SYT1: variants seen among roughly 807,000 people sequenced by gnomAD.
SYT1 encodes synaptotagmin-1.
Under a neutral mutation model 44.8 loss-of-function variants are expected in SYT1, and 8 were observed. The ratio of observed to expected loss-of-function variants is 0.18; its 90% CI spans 0.10 to 0.32. The LOEUF (loss-of-function observed/expected upper bound fraction) is 0.32. SYT1 is among the 10% of genes least tolerant of loss of function. SYT1 has a pLI of 1.00. For synonymous variants in SYT1, 154 were observed against 188.8 expected (o/e 0.82, Z 1.51); for missense variants, 286 against 509.3 (o/e 0.56, Z 4.22).
intron 3 of SYT1, among the ~76,000 whole-genome samples, chr12:79,122,875 C>T (rs566459665): frequency 7.8e-4 from 119 of 152,256 alleles, no homozygotes; most frequent in African/African-American, 2.7e-3. Context: ...GTTCATCCAA[C>T]TTGCTCTATT....
chr12:78,921,507 A>G lies in SYT1; in HGVS notation c.-216-56292A>G, dbSNP rs1343616029. Among the ~76,000 whole-genome samples the G allele has an allele frequency of 2.0e-5, 3 of 152,070 alleles. No individual in the cohort carries two copies. The East Asian group carries it at 5.8e-4, about 29-fold the overall frequency. Reference sequence around the variant, plus strand: ...TTAAACCAGATTTTTTTTCTGTACAAGAAAGTCTGGTTGTATATGCTACAA... The same window carrying G: ...TTAAACCAGATTTTTTTTCTGTACAGGAAAGTCTGGTTGTATATGCTACAA... On this transcript the variant is annotated intron_variant, in intron 1 of 10. Transcript: ENST00000261205.
intron 2 of SYT1, among the ~76,000 whole-genome samples, chr12:78,991,527 G>A (rs1279841275): frequency 6.6e-6 from 1 of 152,064 alleles, no homozygotes; most frequent in Admixed American, 6.6e-5. Flanking sequence ...ATACATAAAA[G>A]TAAACATTGA....
chr12:79,090,403 C>T (rs1483066476), intron 3 of SYT1, among the ~76,000 whole-genome samples: 2 of 151,892 alleles, frequency 1.3e-5, no homozygotes, highest in East Asian at 3.9e-4. Flanking sequence ...CTTGCTCTTT[C>T]GTATCTTCCC....
At chr12:78,870,087 G>T (rs1396980999) in intron 1 of SYT1, among the ~76,000 whole-genome samples, 1 of 152,016 alleles carries the variant, frequency 6.6e-6, no homozygotes, top group East Asian at 1.9e-4. Context: ...AACGGGAATG[G>T]CCTATAAACT....
intron 1 of SYT1, among the ~76,000 whole-genome samples, chr12:78,893,977 A>G (rs1297537818): frequency 1.3e-5 from 2 of 151,648 alleles, no homozygotes; most frequent in Non-Finnish European, 3.0e-5. Context: ...TTATTTTTGG[A>G]AAATCTGCAA....
chr12:79,222,024 G>A (rs923900822), intron 4 of SYT1, among the ~76,000 whole-genome samples: 3 of 152,046 alleles, frequency 2.0e-5, no homozygotes, highest in African/African-American at 7.2e-5. Flanking sequence ...GTCTAGGAAA[G>A]CCTTTATCTC....
At chr12:78,961,088 A>G (rs1181265018) in intron 1 of SYT1, among the ~76,000 whole-genome samples, 1 of 151,940 alleles carries the variant, frequency 6.6e-6, no homozygotes, top group Non-Finnish European at 1.5e-5. Context: ...TAAGTTTGCT[A>G]CTTCAAGCTT....
chr12:79,314,975 G>C (rs957934345), intron 8 of SYT1, among the ~76,000 whole-genome samples: 1 of 152,164 alleles, frequency 6.6e-6, no homozygotes, highest in African/African-American at 2.4e-5. Context: ...CATGCCTAAG[G>C]GTAAGGTTAG....
At chr12:79,115,670 C>T (rs1181715967) in intron 3 of SYT1, among the ~76,000 whole-genome samples, 1 of 152,186 alleles carries the variant, frequency 6.6e-6, no homozygotes, top group Non-Finnish European at 1.5e-5. Context: ...AAAGTAAGCA[C>T]AGCTTTCACC....
intron 9 of SYT1, among the ~76,000 whole-genome samples, chr12:79,395,781 G>A (rs200977218): frequency 6.7e-6 from 1 of 149,678 alleles, no homozygotes; most frequent in African/African-American, 2.4e-5. Flanking sequence ...ATAATAAAAG[G>A]GGGAAAAGAA....
chr12:79,368,728 C>A (rs1883660118), intron 9 of SYT1, among the ~76,000 whole-genome samples: 1 of 151,802 alleles, frequency 6.6e-6, no homozygotes, highest in Non-Finnish European at 1.5e-5. Flanking sequence ...GTCCTTCGCC[C>A]ACTTTTTGAT....
intron 1 of SYT1, among the ~76,000 whole-genome samples, chr12:78,920,025 T>TTC (rs1312077515): frequency 6.6e-6 from 1 of 151,194 alleles, no homozygotes; most frequent in Non-Finnish European, 1.5e-5. Context: ...ATTGGGCTAT[T>TTC]TTTTTTTCAA....
At chr12:78,999,913 A>T (rs1329573325) in intron 2 of SYT1, among the ~76,000 whole-genome samples, 3 of 152,226 alleles carry the variant, frequency 2.0e-5, no homozygotes, top group East Asian at 3.8e-4. Flanking sequence ...GGTGCCGATT[A>T]TACAACTGGA....
chr12:79,155,533 A>T (rs1020562287), intron 3 of SYT1, among the ~76,000 whole-genome samples: 1 of 152,344 alleles, frequency 6.6e-6, no homozygotes, highest in African/African-American at 2.4e-5. Context: ...CTAGGCATCA[A>T]ATCAACTGTA....
chr12:79,286,278 T>A (rs969442002), intron 5 of SYT1, among the ~76,000 whole-genome samples: 2 of 152,194 alleles, frequency 1.3e-5, no homozygotes, highest in African/African-American at 4.8e-5. Flanking sequence ...CAGTCTTCAT[T>A]GCGTTTAGAG....
intron 4 of SYT1, among the ~76,000 whole-genome samples, chr12:79,239,346 T>A (rs1221601931): frequency 6.6e-6 from 1 of 152,126 alleles, no homozygotes; most frequent in East Asian, 1.9e-4. Flanking sequence ...ATAAAGAAAG[T>A]CTGAGAAACT....
chr12:79,275,639 T>C (rs1283698706), intron 4 of SYT1, among the ~76,000 whole-genome samples: 1 of 152,186 alleles, frequency 6.6e-6, no homozygotes, highest in Non-Finnish European at 1.5e-5. Flanking sequence ...AAGATTTCAA[T>C]GTATTTCGCT....
intron 2 of SYT1, among the ~76,000 whole-genome samples, chr12:79,002,509 C>T (rs1277198442): frequency 6.6e-6 from 1 of 151,914 alleles, no homozygotes; most frequent in Non-Finnish European, 1.5e-5. Context: ...CATCATTTCA[C>T]ATTTTTAAAA....
At chr12:79,340,004 G>T (rs907212328) in intron 8 of SYT1, among the ~76,000 whole-genome samples, 4 of 152,040 alleles carry the variant, frequency 2.6e-5, no homozygotes, top group Admixed American at 2.0e-4. Context: ...TATTTCTGAG[G>T]GCTCTGTTCT....
Sources: allele counts gnomAD v4.1 joint callset (sites outside exome capture counted in the v4.1 genomes callset), GRCh38; gene constraint gnomAD v4.1.1; transcripts MANE v1.5; gene names NCBI Gene and HGNC (gene_info 2026-07-23, HGNC 2026-07-21).